BCL2L13: variants seen among roughly 807,000 people sequenced by gnomAD.
BCL2L13 encodes BCL2 like 13, also known as bcl-2-like protein 13.
BCL2L13 carries 13 observed loss-of-function variants against 25.8 expected under a neutral mutation model. That is an observed-to-expected ratio of 0.50 (90% CI 0.33 to 0.80). The LOEUF (loss-of-function observed/expected upper bound fraction) is 0.80. Ranked by LOEUF, BCL2L13 falls within the 30% of genes least tolerant of loss-of-function variation. The pLI is 0.02. For missense variants in BCL2L13, 504 were observed against 574.9 expected, an observed-to-expected ratio of 0.88 and a Z score of 1.26; for synonymous variants, 244 against 230.3, an observed-to-expected ratio of 1.06 and a Z score of -0.54.
chr22:17,642,914 C>T (rs1235935469), intron 1 of BCL2L13, among the ~76,000 whole-genome samples: 2 of 151,842 alleles, frequency 1.3e-5, no homozygotes, highest in Non-Finnish European at 2.9e-5. Context: ...CTGCTTTGAG[C>T]ATTCATGTGC....
chr22:17,659,032 T>C (rs1348330196), intron 2 of BCL2L13, among the ~76,000 whole-genome samples: 1 of 108,660 alleles, frequency 9.2e-6, no homozygotes, highest in African/African-American at 3.4e-5. Context: ...CACTCCAGCC[T>C]GGACGACAGA....
At chr22:17,670,015 G>A (rs1379945201) in intron 2 of BCL2L13, among the ~76,000 whole-genome samples, 1 of 152,160 alleles carries the variant, frequency 6.6e-6, no homozygotes, top group African/African-American at 2.4e-5. Flanking sequence ...ACCATTTGTT[G>A]AAAAGTTATT....
At chr22:17,707,725 A>G (rs2060631073) in intron 6 of BCL2L13, among the ~76,000 whole-genome samples, 1 of 152,236 alleles carries the variant, frequency 6.6e-6, no homozygotes, top group Admixed American at 6.5e-5. Flanking sequence ...ATGAGTCCTT[A>G]GAAAATTTAC....
In BCL2L13 at chr22:17,641,800, T is replaced by TG. The variant is rs200400957; in HGVS notation, c.-51+2914_-51+2915insG. 4.3e-3 allele frequency among the ~76,000 whole-genome samples: 368 copies of TG among 85,758 alleles called. 4 individuals are homozygous for TG. The highest frequency in any genetic ancestry group is 0.019 in the African/African-American group (283 of 14,800). The allele number at this position is 85,758 out of a possible 152,430, so 56.3% of individuals were successfully genotyped here. The stretch of plus-strand genomic sequence containing the variant: ...AAAAATGGGATCACATAATATGTGT[T>TG]TTTTTTTTTTTTTTTTTGAGAATGA... On this transcript the variant is annotated intron_variant, in intron 1 of 6. Coordinates refer to ENST00000317582, the MANE Select transcript of BCL2L13 (RefSeq NM_015367.4).
chr22:17,687,892 G>T (rs1455601452), intron 3 of BCL2L13, among the ~76,000 whole-genome samples: 1 of 140,568 alleles, frequency 7.1e-6, no homozygotes, highest in African/African-American at 2.6e-5. Context: ...ATCTTGGCTC[G>T]CTGCAACCTC....
intron 6 of BCL2L13, among the ~76,000 whole-genome samples, chr22:17,709,480 A>G (rs2060684703): frequency 6.6e-6 from 1 of 152,058 alleles, no homozygotes; most frequent in African/African-American, 2.4e-5. Flanking sequence ...CTGTAGTCCC[A>G]GCAACTCGGG....
intron 3 of BCL2L13, among the ~76,000 whole-genome samples, chr22:17,683,717 T>C (rs181854038): frequency 1.4e-4 from 21 of 148,168 alleles, no homozygotes; most frequent in African/African-American, 4.6e-4. Context: ...ACTGTAATTA[T>C]AATGTACATT....
chr22:17,636,644 AT>A (rs760451645), upstream of BCL2L13, among the ~76,000 whole-genome samples: 11 of 151,820 alleles, frequency 7.2e-5, no homozygotes, highest in East Asian at 9.8e-4. Context: ...CAAAAAAAAA[AT>A]ATTAGCCAGG....
At chr22:17,630,939 A>C (rs957353227) in intron 1 of BCL2L13, among the ~76,000 whole-genome samples, 2 of 151,698 alleles carry the variant, frequency 1.3e-5, no homozygotes, top group African/African-American at 4.8e-5. Flanking sequence ...TAACCTTCTT[A>C]TAACCTTACT....
intron 4 of BCL2L13, among the ~76,000 whole-genome samples, chr22:17,694,160 G>A (rs2060196556): frequency 6.6e-6 from 1 of 151,908 alleles, no homozygotes; most frequent in South Asian, 2.1e-4. Context: ...TTTTAAATCT[G>A]TTATCTGAAC....
At chr22:17,722,411 G>GTGTGTGTGTGTGTA (rs2061171755) in intron 6 of BCL2L13, among the ~76,000 whole-genome samples, 2 of 151,698 alleles carry the variant, frequency 1.3e-5, no homozygotes, top group African/African-American at 4.8e-5. Context: ...GTGTGTGTGT[G>GTGTGTGTGTGTGTA]TGTGTGTGTA....
intron 1 of BCL2L13, among the ~76,000 whole-genome samples, chr22:17,640,900 T>TA (rs2058256041): frequency 2.3e-5 from 3 of 131,086 alleles, no homozygotes; most frequent in African/African-American, 6.9e-5. Flanking sequence ...ATATATATAT[T>TA]TTTTTTTTGA....
intron 1 of BCL2L13, among the ~76,000 whole-genome samples, chr22:17,631,672 A>G (rs199641700): frequency 0.088 from 1,398 of 15,814 alleles, 35 homozygotes; most frequent in East Asian, 0.22. Flanking sequence ...GTGTGTGTGT[A>G]TATATATATA....
intron 2 of BCL2L13, among the ~76,000 whole-genome samples, chr22:17,658,791 G>A (rs1400696001): frequency 6.6e-6 from 1 of 151,326 alleles, no homozygotes; most frequent in Admixed American, 6.6e-5. Context: ...AGGCACGGTG[G>A]CTCACACCTG....
At chr22:17,716,734 A>G (rs2060956337) in intron 6 of BCL2L13, among the ~76,000 whole-genome samples, 1 of 152,204 alleles carries the variant, frequency 6.6e-6, no homozygotes, top group South Asian at 2.1e-4. Flanking sequence ...AATAGACTTC[A>G]AATGTAGAAC....
At chr22:17,723,167 C>G (rs1193511269) in intron 6 of BCL2L13, among the ~76,000 whole-genome samples, 3 of 151,704 alleles carry the variant, frequency 2.0e-5, no homozygotes, top group Non-Finnish European at 4.4e-5. Context: ...TCTATCTGTC[C>G]CTCTCCCTCT....
intron 4 of BCL2L13, among the ~76,000 whole-genome samples, chr22:17,689,712 G>T (rs981161146): frequency 6.6e-6 from 1 of 151,640 alleles, no homozygotes; most frequent in African/African-American, 2.4e-5. Context: ...GCATGGTGGC[G>T]CATGCCTCTA....
chr22:17,694,203 A>G (rs2060197710), intron 4 of BCL2L13, among the ~76,000 whole-genome samples: 1 of 151,254 alleles, frequency 6.6e-6, no homozygotes, highest in African/African-American at 2.5e-5. Context: ...TTGGTCCCCA[A>G]GTCTTTTGTT....
chr22:17,720,197 C>CTTTCTTTCTT (rs1299880399), intron 6 of BCL2L13, among the ~76,000 whole-genome samples: 3 of 44,340 alleles, frequency 6.8e-5, no homozygotes, highest in African/African-American at 3.0e-4. Flanking sequence ...GAGACAGGGT[C>CTTTCTTTCTT]TCGTTCTGTC....
Sources: gnomAD v4.1 joint callset for allele counts (sites outside exome capture counted in the v4.1 genomes callset) on GRCh38, gnomAD v4.1.1 for gene constraint, MANE v1.5 for transcripts, NCBI Gene and HGNC (gene_info 2026-07-23, HGNC 2026-07-21) for gene names.